The following GDAP1 variants were observed in gnomAD, a reference collection of about 807,000 sequenced individuals.
GDAP1 encodes the protein ganglioside-induced differentiation-associated protein 1.
Under a neutral mutation model 40.1 loss-of-function variants are expected in GDAP1, and 34 were observed. The ratio of observed to expected loss-of-function variants is 0.85; its 90% confidence interval spans 0.64 to 1.13. GDAP1 has a LOEUF of 1.13. GDAP1 is among the 50% of genes most tolerant of loss of function. The probability of loss-of-function intolerance (pLI) is 0.00; values close to 1 mark genes in which losing one functional copy is unlikely to be tolerated. For missense variants in GDAP1, 374 were observed against 433.7 expected (o/e 0.86, Z 1.22); for synonymous variants, 170 against 157.4 (o/e 1.08, Z -0.60).
intron 2 of GDAP1, among the ~76,000 whole-genome samples, chr8:74,386,100 AATGGATAG>A (rs1275012746): frequency 1.3e-5 from 2 of 152,008 alleles, no homozygotes; most frequent in African/African-American, 4.8e-5. Context: ...CCCTTTGTCA[AATGGATAG>A]ACTGCAAATA....
intron 2 of GDAP1, among the ~76,000 whole-genome samples, chr8:74,429,845 T>G (rs1227293972): frequency 6.6e-6 from 1 of 152,094 alleles, no homozygotes; most frequent in Non-Finnish European, 1.5e-5. Flanking sequence ...GAATATAATA[T>G]TTTTAATTAT....
chr8:74,356,716 A>ATATATATATATTTTTTTTTTTTTTTTTT (rs375377157), intron 2 of GDAP1, among the ~76,000 whole-genome samples: 4 of 104,358 alleles, frequency 3.8e-5, no homozygotes, highest in African/African-American at 1.2e-4. Context: ...ATATATATAT[A>ATATATATATATTTTTTTTTTTTTTTTTT]TTTTTTTTTT....
rs546611665 is a variant in GDAP1 at position 74,402,780 on chromosome 8, A to G, written c.165+51459A>G. ...ATATAAACAAATGACTTTTTTGCATATACAAAAAATCTTAAAGTTAACCTG... is the reference window on the plus strand; with the variant it reads ...ATATAAACAAATGACTTTTTTGCATGTACAAAAAATCTTAAAGTTAACCTG... On this transcript the variant is annotated intron_variant, in intron 2 of 2. Coordinates refer to the GDAP1 transcript ENST00000523640. Among the ~76,000 whole-genome samples the G allele has an allele frequency of 8.0e-5, 12 of 150,568 alleles. 2 individuals carry two copies. Among genetic ancestry groups the G allele is most frequent in the African/African-American group, 3.0e-4 (12 of 39,816 alleles).
Position 74,350,433 on chromosome 8 carries a change from TGG to T in GDAP1, c.-27_-26del. On this transcript the variant is annotated 5_prime_UTR_variant, in exon 1 of 6. Coordinates refer to ENST00000220822, the MANE Select transcript of GDAP1 (RefSeq NM_018972.4). ...AGGGAGAAGTCCAGGGCGGACAGGC[TGG>T]GCGCACCCGTGCTCGCGCACCCCAA... is the stretch of plus-strand genomic sequence containing the variant. 7.2e-7 allele frequency: 1 copy of T among 1,390,812 alleles called. No homozygotes were observed. Among genetic ancestry groups the T allele is most frequent in the South Asian group, 1.2e-5 (1 of 86,758 alleles). The allele number at this position is 1,390,812 out of a possible 1,614,324, so 86.2% of individuals were successfully genotyped here. A position where few individuals can be genotyped will look rare whatever the true frequency, so the allele number is the denominator to read the frequency against.
intron 2 of GDAP1, among the ~76,000 whole-genome samples, chr8:74,422,188 TTC>T (rs941023803): frequency 6.6e-6 from 1 of 150,482 alleles, no homozygotes; most frequent in African/African-American, 2.4e-5. Context: ...TCTTTCTTTT[TTC>T]TCTTTCTTCT....
rs892103161 is a variant in GDAP1 at position 74,364,663 on chromosome 8, A to G, written c.*296A>G. ...AGAAAGTAAGCTTCGGGTGCCTCCAACGTTCATGGCTGCCTGTCTCATTGG... is the reference window on the plus strand; with the variant it reads ...AGAAAGTAAGCTTCGGGTGCCTCCAGCGTTCATGGCTGCCTGTCTCATTGG... On this transcript the variant is annotated 3_prime_UTR_variant, in exon 6 of 6. Transcript: ENST00000220822. The G allele has an allele frequency of 1.5e-5, 8 of 519,560 alleles. No homozygotes were observed. The highest frequency in any genetic ancestry group is 1.1e-4 in the African/African-American group (6 of 52,678). 32.2% of individuals were successfully genotyped at this position (519,560 alleles called of 1,614,324 possible).
In GDAP1 at chr8:74,364,844, G is replaced by T. The variant is rs1402731087; in HGVS notation, c.*477G>T. ...TTTGACCTCAGTGTTAATTTTAAAT[G>T]CTTATGAATCACACACATTGCTTTA... is the stretch of plus-strand genomic sequence containing the variant. On this transcript the variant is annotated 3_prime_UTR_variant, in exon 6 of 6. Coordinates refer to ENST00000220822, the MANE Select transcript of GDAP1 (RefSeq NM_018972.4). 3 of 454,324 alleles carry T rather than the reference G, an allele frequency of 6.6e-6. No homozygotes were observed. The East Asian group carries it at 2.1e-4, about 32-fold the overall frequency. 28.1% of individuals were successfully genotyped at this position (454,324 alleles called of 1,614,324 possible). A position where few individuals can be genotyped will look rare whatever the true frequency, so the allele number is the denominator to read the frequency against.
intron 2 of GDAP1, among the ~76,000 whole-genome samples, chr8:74,418,779 C>A (rs1805819294): frequency 6.6e-6 from 1 of 152,090 alleles, no homozygotes; most frequent in Non-Finnish European, 1.5e-5. Flanking sequence ...TGGCAAATCT[C>A]ATATTCAGCA....
intron 2 of GDAP1, among the ~76,000 whole-genome samples, chr8:74,421,728 A>G (rs545795348): frequency 6.6e-6 from 1 of 152,276 alleles, no homozygotes; most frequent in South Asian, 2.1e-4. Flanking sequence ...CTGCTGGTAC[A>G]TTACAGCAGG....
At chr8:74,472,251 T>G (rs1317629776) in intron 2 of GDAP1, among the ~76,000 whole-genome samples, 1 of 152,250 alleles carries the variant, frequency 6.6e-6, no homozygotes, top group East Asian at 1.9e-4. Flanking sequence ...TCTATGTCCC[T>G]GCAAAGGACA....
intron 2 of GDAP1, among the ~76,000 whole-genome samples, chr8:74,445,134 G>A (rs191727724): frequency 9.2e-5 from 14 of 152,298 alleles, no homozygotes; most frequent in Middle Eastern, 3.4e-3. Flanking sequence ...GAATCATGGA[G>A]TTGGAAGGAC....
intron 2 of GDAP1, among the ~76,000 whole-genome samples, chr8:74,378,488 C>G (rs1310717540): frequency 1.3e-5 from 2 of 152,140 alleles, no homozygotes; most frequent in Non-Finnish European, 2.9e-5. Context: ...ACCCACACTT[C>G]TTGCTTGAGT....
intron 2 of GDAP1, among the ~76,000 whole-genome samples, chr8:74,479,460 A>G (rs1296670773): frequency 6.6e-6 from 1 of 152,170 alleles, no homozygotes; most frequent in Non-Finnish European, 1.5e-5. Context: ...TTTATTTCCT[A>G]TAATTTCTTT....
At chr8:74,463,506 A>G (rs1295294897) in intron 2 of GDAP1, among the ~76,000 whole-genome samples, 2 of 152,088 alleles carry the variant, frequency 1.3e-5, no homozygotes, top group South Asian at 4.2e-4. Context: ...GCTACACAAT[A>G]TGCTGGAATG....
intron 2 of GDAP1, among the ~76,000 whole-genome samples, chr8:74,390,980 T>C (rs551514052): frequency 2.6e-5 from 4 of 152,270 alleles, no homozygotes; most frequent in Non-Finnish European, 5.9e-5. Flanking sequence ...TTGTTTACAC[T>C]ATGAGGGGAA....
At chr8:74,445,348 G>T (rs1235523010) in intron 2 of GDAP1, among the ~76,000 whole-genome samples, 1 of 152,140 alleles carries the variant, frequency 6.6e-6, no homozygotes, top group Non-Finnish European at 1.5e-5. Flanking sequence ...TTTAGATAAG[G>T]TTGTTTGCTT....
At chr8:74,473,733 T>C (rs529054851) in intron 2 of GDAP1, among the ~76,000 whole-genome samples, 2 of 152,360 alleles carry the variant, frequency 1.3e-5, no homozygotes, top group South Asian at 4.1e-4. Context: ...TGAAGTCAGG[T>C]AACATGATGC....
chr8:74,365,828 A>G lies in GDAP1; in HGVS notation c.*1461A>G, dbSNP rs889873388. The G allele has an allele frequency of 1.5e-5, 7 of 454,096 alleles. No homozygotes were observed. Among genetic ancestry groups the G allele is most frequent in the African/African-American group, 8.0e-5 (4 of 49,856 alleles). The allele number at this position is 454,096 out of a possible 1,614,324, so 28.1% of individuals were successfully genotyped here. On this transcript the variant is annotated 3_prime_UTR_variant, in exon 6 of 6. Coordinates refer to ENST00000220822, the MANE Select transcript of GDAP1 (RefSeq NM_018972.4). Reference sequence around the variant, plus strand: ...AAACCTCCAGAGTAAACTCAGTCAAACAATAATTGAGTAGCAGCTTTTATA... The same window carrying G: ...AAACCTCCAGAGTAAACTCAGTCAAGCAATAATTGAGTAGCAGCTTTTATA...
At chr8:74,466,697 G>T (rs1806473934) in intron 2 of GDAP1, among the ~76,000 whole-genome samples, 1 of 152,200 alleles carries the variant, frequency 6.6e-6, no homozygotes, top group African/African-American at 2.4e-5. Context: ...TGTTAAATTT[G>T]AAGGCGCTGA....
Sources: gnomAD v4.1 joint callset for allele counts (sites outside exome capture counted in the v4.1 genomes callset) on GRCh38, gnomAD v4.1.1 for gene constraint, MANE v1.5 for transcripts, NCBI Gene and HGNC (gene_info 2026-07-23, HGNC 2026-07-21) for gene names.